DPYSL4: variants seen among roughly 807,000 people sequenced by gnomAD.
DPYSL4 encodes dihydropyrimidinase like 4.
DPYSL4 carries 43 observed loss-of-function variants against 63.4 expected under a neutral mutation model. The ratio of observed to expected loss-of-function variants is 0.68; its 90% confidence interval spans 0.53 to 0.88. The LOEUF (loss-of-function observed/expected upper bound fraction) is 0.88. Among genes scored for constraint, DPYSL4 ranks in the 40% least tolerant of loss-of-function variants. The pLI is 0.00. For synonymous variants in DPYSL4, 353 were observed against 331.7 expected, an observed-to-expected ratio of 1.06 and a Z score of -0.70; for missense variants, 733 against 819.5, an observed-to-expected ratio of 0.89 and a Z score of 1.29.
chr10:132,203,073 G>A (rs1043842858), intron 12 of DPYSL4, among the ~76,000 whole-genome samples: 12 of 152,236 alleles, frequency 7.9e-5, no homozygotes, highest in African/African-American at 2.7e-4. Flanking sequence ...GCCTGTGAAC[G>A]GCAGCTGGGT....
intron 12 of DPYSL4, 177 bp from the exon 13 acceptor site, chr10:132,203,585 C>G (rs975460599): frequency 5.1e-5 from 31 of 605,288 alleles, no homozygotes; most frequent in Admixed American, 3.3e-4. Context: ...CGTGTGTGAA[C>G]TTGGGTTGAG....
In DPYSL4 at chr10:132,194,879, G is replaced by A; in HGVS notation, c.348G>A (p.Leu116=). The change falls in exon 4 of 14, where the codon CTG becomes CTA. Residue 116 remains leucine, a synonymous_variant. Coordinates refer to ENST00000338492, the MANE Select transcript of DPYSL4 (RefSeq NM_006426.3). ...DHVFPDTGVS[L]LAAYEQWRER... is the part of the protein sequence containing the mutation. ...TCTTCCCCGACACGGGTGTGAGCCT[G>A]CTGGCGGCCTACGAGCAGTGGCGGG... 4 of 1,612,836 alleles carry A rather than the reference G, an allele frequency of 2.5e-6. No individual in the cohort carries two copies. Among genetic ancestry groups the A allele is most frequent in the Non-Finnish European group, 2.5e-6 (3 of 1,179,914 alleles).
At chr10:132,188,380 C>A (rs1484468439) in intron 1 of DPYSL4, among the ~76,000 whole-genome samples, 1 of 152,224 alleles carries the variant, frequency 6.6e-6, no homozygotes, top group Non-Finnish European at 1.5e-5. Context: ...TCTCCTCAAG[C>A]CTCCTTCTGC....
At chr10:132,202,587 G>T in intron 11 of DPYSL4, 59 bp from the exon 12 acceptor site, 1 of 1,595,238 alleles carries the variant, frequency 6.3e-7, no homozygotes, top group Non-Finnish European at 8.5e-7. Flanking sequence ...CGGCTCAACG[G>T]GGATGGGACT....
chr10:132,202,999 G>A lies in DPYSL4; in HGVS notation c.1461+174G>A, dbSNP rs536237257. Among the ~76,000 whole-genome samples the A allele has an allele frequency of 1.2e-3, 186 of 152,330 alleles. 5 individuals are homozygous for A. Among genetic ancestry groups the A allele is most frequent in the Admixed American group, 0.012 (177 of 15,306 alleles). On this transcript the variant is annotated intron_variant, in intron 12 of 13. Coordinates refer to ENST00000338492, the MANE Select transcript of DPYSL4 (RefSeq NM_006426.3). ...TCTAAGTGGAGAAGAGCCTGCTCCC[G>A]GAAGATGGCAGGGGAGGCCCCCATG...
chr10:132,194,471 C>T (rs1468996949), intron 3 of DPYSL4, among the ~76,000 whole-genome samples: 2 of 152,210 alleles, frequency 1.3e-5, no homozygotes, highest in Non-Finnish European at 2.9e-5. Context: ...AGCGCACTGG[C>T]CCAGCCTGGC....
rs767096461 is a variant in DPYSL4, at chr10:132,198,415, G to A, written c.622G>A (p.Glu208Lys). Reference sequence around the variant, plus strand: ...CGAGGCATCCTGTTGGTTTCTTTAGGAGCAGAAGCGGTTGCTGGAGCTCGG... The same window carrying A: ...CGAGGCATCCTGTTGGTTTCTTTAGAAGCAGAAGCGGTTGCTGGAGCTCGG... Reference protein sequence around the residue: ...HAENGDIVEEEQKRLLELGIT... With the variant: ...HAENGDIVEEKQKRLLELGIT... Residue 208 changes from glutamate to lysine, a missense_variant and splice_region_variant, in exon 7 of 14, where the codon GAG (glutamate) becomes AAG (lysine). Transcript: ENST00000338492. 9.3e-6 allele frequency: 15 copies of A among 1,605,442 alleles called. No homozygotes were observed. The highest frequency in any genetic ancestry group is 6.8e-5 in the Admixed American group (4 of 59,168).
intron 6 of DPYSL4, among the ~76,000 whole-genome samples, chr10:132,197,454 G>A (rs2061960771): frequency 6.6e-6 from 1 of 152,248 alleles, no homozygotes; most frequent in Non-Finnish European, 1.5e-5. Context: ...TTCCAGCCAA[G>A]GGCACCCATG....
intron 1 of DPYSL4, among the ~76,000 whole-genome samples, chr10:132,188,852 C>T (rs905765033): frequency 1.3e-5 from 2 of 152,190 alleles, no homozygotes; most frequent in African/African-American, 2.4e-5. Flanking sequence ...TATACAAGAA[C>T]GATTCTTAGC....
rs1443937889 is a variant in DPYSL4, at chr10:132,195,007, A to G, written c.476A>G (p.Lys159Arg). 6.5e-7 allele frequency: 1 copy of G among 1,540,178 alleles called. No individual in the cohort carries two copies. Among genetic ancestry groups the G allele is most frequent in the East Asian group, 2.5e-5 (1 of 40,546 alleles). Residue 159 changes from lysine to arginine, a missense_variant and splice_region_variant, in exon 4 of 14, where the codon AAG (lysine) becomes AGG (arginine). Transcript: ENST00000338492. ...GAGCTGGAGGCCCTGGTCAAGGAGAAGGGTGAGGGTGGCTGGAGGGGCTGG... is the reference window on the plus strand; with the variant it reads ...GAGCTGGAGGCCCTGGTCAAGGAGAGGGGTGAGGGTGGCTGGAGGGGCTGG... ...KEELEALVKE[K>R]GVNSFLVFMA...
At chr10:132,200,791 C>T (rs1369532923) in intron 9 of DPYSL4, 51 bp from the exon 10 acceptor site, 3 of 1,590,074 alleles carry the variant, frequency 1.9e-6, no homozygotes, top group East Asian at 4.5e-5. Context: ...GCTGACCTGG[C>T]CTCTGCCGGC....
chr10:132,189,044 TGA>T (rs1234577518), intron 1 of DPYSL4, among the ~76,000 whole-genome samples: 2 of 152,256 alleles, frequency 1.3e-5, no homozygotes, highest in East Asian at 3.9e-4. Flanking sequence ...CTTCTCATTC[TGA>T]GAGTTTTACC....
chr10:132,196,611 A>G (rs1403108955), intron 4 of DPYSL4, among the ~76,000 whole-genome samples: 3 of 152,232 alleles, frequency 2.0e-5, no homozygotes, highest in Admixed American at 2.0e-4. Flanking sequence ...CTGGGTGGAC[A>G]ATCAGTTCCT....
rs974608313 is a variant in DPYSL4, at chr10:132,198,789, C to A, written c.691-62C>A. On this transcript the variant is annotated intron_variant, in intron 7 of 13. Transcript: ENST00000338492. ...GGGTGACACCTGGGCATCCCCATTG[C>A]CCACACTGGTCTGGAGCCCCAGGGC... is the stretch of plus-strand genomic sequence containing the variant. 4.4e-6 allele frequency: 7 copies of A among 1,595,632 alleles called. No homozygotes were observed. In the Admixed American group the frequency reaches 5.1e-5, roughly 12 times the overall value.
rs4880345 is a variant in DPYSL4, at chr10:132,191,822, C to T, written c.129-836C>T. Reference sequence around the variant, plus strand: ...CCAGCTCGTGTGTACACACTGGTCACGTGGTATCCAGGCAGTTGAAAGTAT... The same window carrying T: ...CCAGCTCGTGTGTACACACTGGTCATGTGGTATCCAGGCAGTTGAAAGTAT... On this transcript the variant is annotated intron_variant, in intron 2 of 13. Transcript: ENST00000338492. 1.8e-3 allele frequency among the ~76,000 whole-genome samples: 171 copies of T among 97,358 alleles called. 16 individuals are homozygous for T. Among genetic ancestry groups the T allele is most frequent in the Non-Finnish European group, 6.0e-4 (29 of 48,334 alleles). 63.9% of individuals were successfully genotyped at this position (97,358 alleles called of 152,430 possible).
chr10:132,190,069 C>T (rs2061853240), intron 1 of DPYSL4, among the ~76,000 whole-genome samples: 1 of 152,258 alleles, frequency 6.6e-6, no homozygotes. Context: ...CTGTATCAGC[C>T]ACCCTGGCCC....
chr10:132,197,011 C>T lies in DPYSL4; in HGVS notation c.541-10C>T. The stretch of plus-strand genomic sequence containing the variant: ...AGCCCCACCCAGGACGCCACCACTT[C>T]TCTTCCCAGATGTACGAGATCTTCA... On this transcript the variant is annotated splice_polypyrimidine_tract_variant and intron_variant, in intron 5 of 13. Coordinates refer to ENST00000338492, the MANE Select transcript of DPYSL4 (RefSeq NM_006426.3). The T allele has an allele frequency of 6.2e-7, 1 of 1,611,096 alleles. No individual in the cohort carries two copies. Among genetic ancestry groups the T allele is most frequent in the Non-Finnish European group, 8.5e-7 (1 of 1,178,500 alleles).
At chr10:132,202,849 T>A in intron 12 of DPYSL4, 24 bp downstream of exon 12, 1 of 1,564,342 alleles carries the variant, frequency 6.4e-7, no homozygotes, top group East Asian at 2.3e-5. Flanking sequence ...CGCAAGGGTG[T>A]TGTGCAGGTA....
rs77043339 is a variant in DPYSL4, at chr10:132,193,254, G to A, written c.313+412G>A. Among the ~76,000 whole-genome samples, 1,359 of 152,366 alleles carry A rather than the reference G, an allele frequency of 8.9e-3. 27 individuals are homozygous for A. The highest frequency in any genetic ancestry group is 0.03 in the African/African-American group (1,265 of 41,584). On this transcript the variant is annotated intron_variant, in intron 3 of 13. Coordinates refer to ENST00000338492, the MANE Select transcript of DPYSL4 (RefSeq NM_006426.3). ...TCATATCTGGAAGGTTCTTGCTCAT[G>A]TCAAGAAGAGTTAAGGATGGAGACT...
Sources: gnomAD v4.1 joint callset for allele counts (sites outside exome capture counted in the v4.1 genomes callset) on GRCh38, gnomAD v4.1.1 for gene constraint, MANE v1.5 for transcripts, NCBI Gene and HGNC (gene_info 2026-07-23, HGNC 2026-07-21) for gene names.